FAM240B: variants seen among roughly 807,000 people sequenced by gnomAD.
FAM240B encodes family with sequence similarity 240 member B, also known as protein FAM240B.
At chr9:38,711,951 T>G (rs1435128697) in intron 1 of FAM240B, among the ~76,000 whole-genome samples, 1 of 152,006 alleles carries the variant, frequency 6.6e-6, no homozygotes, top group Non-Finnish European at 1.5e-5. Flanking sequence ...CTTTTTAACT[T>G]CCCCTCCAAA....
intron 1 of FAM240B, among the ~76,000 whole-genome samples, chr9:38,717,205 T>TACATATTTGGGATGCTCA (rs1437106379): frequency 2.0e-5 from 3 of 152,222 alleles, no homozygotes; most frequent in African/African-American, 7.2e-5. Context: ...TGGGATGGTC[T>TACATATTTGGGATGCTCA]ACATATTTGG....
intron 1 of FAM240B, among the ~76,000 whole-genome samples, chr9:38,716,365 G>A (rs1020313249): frequency 2.6e-5 from 4 of 152,258 alleles, no homozygotes; most frequent in Non-Finnish European, 5.9e-5. Context: ...CCAGCTACTC[G>A]GGAGGCTGAG....
intron 1 of FAM240B, among the ~76,000 whole-genome samples, chr9:38,716,158 G>A (rs559804474): frequency 3.4e-4 from 52 of 152,182 alleles, no homozygotes; most frequent in Non-Finnish European, 6.2e-4. Flanking sequence ...TAACTACTGT[G>A]GGGCAAGGAC....
intron 1 of FAM240B, among the ~76,000 whole-genome samples, chr9:38,717,408 G>A (rs530092433): frequency 2.7e-4 from 41 of 151,896 alleles, no homozygotes; most frequent in East Asian, 2.2e-3. Flanking sequence ...GTGAAACCCC[G>A]TCTCTACTAA....
In FAM240B at chr9:38,701,618, T is replaced by C. The variant is rs1455634506; in HGVS notation, c.143+2239A>G. Among the ~76,000 whole-genome samples, 11 of 152,302 alleles carry C rather than the reference T, an allele frequency of 7.2e-5. No homozygotes were observed. In the South Asian group the frequency reaches 2.3e-3, roughly 32 times the overall value. On this transcript the variant is annotated intron_variant, in intron 2 of 2. Transcript: ENST00000637493. The stretch of plus-strand genomic sequence containing the variant: ...CTCGCTTCCCCAGCTCCTGGTGGTA[T>C]CCTGGTTCTGAGTCCTGTGGCTGCT...
chr9:38,720,105 C>A lies in FAM240B; in HGVS notation c.-87G>T, dbSNP rs984101805. On this transcript the variant is annotated 5_prime_UTR_variant, in exon 1 of 3. Coordinates refer to ENST00000637493, the MANE Select transcript of FAM240B (RefSeq NM_001394922.1). ...GGGCCTGCTCTTGATTCCTCAGGTC[C>A]GGCTCAGGAAGGCCACAGATGCTGT... 1 of 152,220 alleles carries A rather than the reference C, an allele frequency of 6.6e-6. No homozygotes were observed. The highest frequency in any genetic ancestry group is 6.5e-5 in the Admixed American group (1 of 15,278). The allele number at this position is 152,220 out of a possible 1,614,324, so 9.4% of individuals were successfully genotyped here.
intron 1 of FAM240B, among the ~76,000 whole-genome samples, chr9:38,704,608 A>G (rs969780251): frequency 1.3e-5 from 2 of 152,202 alleles, no homozygotes; most frequent in Non-Finnish European, 2.9e-5. Context: ...GTGTGTCTGC[A>G]TGTGTAAGAT....
intron 1 of FAM240B, among the ~76,000 whole-genome samples, chr9:38,712,087 G>A (rs182778297): frequency 7.7e-4 from 118 of 152,270 alleles, no homozygotes; most frequent in African/African-American, 2.6e-3. Context: ...AGGCTCAGGG[G>A]AAATACAACA....
intron 2 of FAM240B, among the ~76,000 whole-genome samples, chr9:38,701,268 G>A (rs901531497): frequency 6.6e-6 from 1 of 152,126 alleles, no homozygotes; most frequent in Non-Finnish European, 1.5e-5. Context: ...ATATTCATTG[G>A]TCTGCAAGTA....
intron 1 of FAM240B, among the ~76,000 whole-genome samples, chr9:38,717,316 C>A (rs942077912): frequency 7.9e-5 from 12 of 152,226 alleles, no homozygotes; most frequent in African/African-American, 2.9e-4. Flanking sequence ...CGCAGTGGCT[C>A]ACGCCTGTAA....
chr9:38,705,153 A>G (rs1821174095), intron 1 of FAM240B, among the ~76,000 whole-genome samples: 1 of 152,226 alleles, frequency 6.6e-6, no homozygotes, highest in African/African-American at 2.4e-5. Context: ...GCTCCTGCTC[A>G]GAGAAGTGCT....
intron 1 of FAM240B, among the ~76,000 whole-genome samples, chr9:38,717,053 CAGTT>C (rs1363518382): frequency 1.3e-5 from 2 of 152,110 alleles, no homozygotes; most frequent in African/African-American, 4.8e-5. Flanking sequence ...CCGGAGGACG[CAGTT>C]AGGCATCTGG....
At chr9:38,715,325 G>A (rs1430822885) in intron 1 of FAM240B, among the ~76,000 whole-genome samples, 2 of 152,338 alleles carry the variant, frequency 1.3e-5, no homozygotes, top group Non-Finnish European at 2.9e-5. Context: ...GGAACAACAT[G>A]TACTTTCCCA....
intron 2 of FAM240B, 118 bp downstream of exon 2, chr9:38,703,739 C>A (rs1821155603): frequency 5.0e-6 from 2 of 396,664 alleles, no homozygotes; most frequent in Non-Finnish European, 8.9e-6. Flanking sequence ...TCATGTACAG[C>A]ATATGTACCT....
At chr9:38,707,848 A>T (rs1821209045) in intron 1 of FAM240B, among the ~76,000 whole-genome samples, 1 of 151,860 alleles carries the variant, frequency 6.6e-6, no homozygotes, top group Non-Finnish European at 1.5e-5. Flanking sequence ...GCTATGAAGT[A>T]TCTGATGCAT....
At chr9:38,715,879 A>G (rs1372259970) in intron 1 of FAM240B, among the ~76,000 whole-genome samples, 1 of 152,186 alleles carries the variant, frequency 6.6e-6, no homozygotes, top group Non-Finnish European at 1.5e-5. Flanking sequence ...GAAATAAAAC[A>G]AAGTGAAAGC....
intron 1 of FAM240B, among the ~76,000 whole-genome samples, chr9:38,712,404 G>A (rs1365467300): frequency 6.6e-6 from 1 of 152,186 alleles, no homozygotes; most frequent in East Asian, 1.9e-4. Context: ...CATAGTATCT[G>A]CTCAATATTA....
chr9:38,715,860 C>A (rs1274313509), intron 1 of FAM240B, among the ~76,000 whole-genome samples: 1 of 152,104 alleles, frequency 6.6e-6, no homozygotes, highest in Non-Finnish European at 1.5e-5. Context: ...ACTGGGTGCA[C>A]ATAGAGTCGA....
At chr9:38,717,888 T>C (rs1241568938) in intron 1 of FAM240B, among the ~76,000 whole-genome samples, 2 of 152,194 alleles carry the variant, frequency 1.3e-5, no homozygotes, top group Non-Finnish European at 2.9e-5. Flanking sequence ...CAAAAAGCAC[T>C]GAAGGATATG....
Sources: allele counts gnomAD v4.1 joint callset (sites outside exome capture counted in the v4.1 genomes callset), GRCh38; gene constraint gnomAD v4.1.1; transcripts MANE v1.5; gene names NCBI Gene and HGNC (gene_info 2026-07-23, HGNC 2026-07-21).